Variants in POLN observed in about 807,000 individuals in gnomAD.
The protein encoded by POLN is DNA polymerase N.
Under a neutral mutation model 113.5 loss-of-function variants are expected in POLN, and 108 were observed. The ratio of observed to expected loss-of-function variants is 0.95; its 90% CI spans 0.81 to 1.12. The LOEUF (loss-of-function observed/expected upper bound fraction) is 1.12, where lower values mean the gene tolerates loss of function less well. Ranked by LOEUF, POLN falls within the 50% of genes most tolerant of loss-of-function variation. The probability of loss-of-function intolerance (pLI) is 0.00; values close to 1 mark genes in which losing one functional copy is unlikely to be tolerated. For synonymous variants in POLN, 386 were observed against 391.5 expected (o/e 0.99, Z 0.17); for missense variants, 1,097 against 1,077.1 (o/e 1.02, Z -0.26).
intron 16 of POLN, among the ~76,000 whole-genome samples, chr4:2,147,204 T>G (rs535668005): frequency 6.6e-6 from 1 of 152,134 alleles, no homozygotes; most frequent in East Asian, 1.9e-4. Context: ...GTATCATGAG[T>G]GGCACTGTAG....
At chr4:2,183,417 G>C (rs1241435372) in intron 7 of POLN, among the ~76,000 whole-genome samples, 1 of 152,098 alleles carries the variant, frequency 6.6e-6, no homozygotes, top group East Asian at 1.9e-4. Context: ...ATCAACTGAT[G>C]AATGAACAAA....
chr4:2,101,972 G>A (rs968762233), intron 19 of POLN, among the ~76,000 whole-genome samples: 1 of 152,166 alleles, frequency 6.6e-6, no homozygotes, highest in African/African-American at 2.4e-5. Flanking sequence ...GTGACAGCTG[G>A]GATGGGGGAG....
chr4:2,119,681 TCAAA>T (rs1474991465), intron 19 of POLN, among the ~76,000 whole-genome samples: 2 of 152,214 alleles, frequency 1.3e-5, no homozygotes, highest in Non-Finnish European at 2.9e-5. Context: ...TTTTTGTGTT[TCAAA>T]CAATAAGGCA....
chr4:2,240,768 G>A (rs375311093), intron 2 of POLN: 23 of 1,613,774 alleles, frequency 1.4e-5, no homozygotes, highest in Non-Finnish European at 1.8e-5. Context: ...AATGCTAAAA[G>A]CTTCCAATTC....
At chr4:2,159,301 A>C in intron 13 of POLN, 90 bp from the exon 14 acceptor site, 2 of 1,102,240 alleles carry the variant, frequency 1.8e-6, no homozygotes, top group Non-Finnish European at 1.4e-6. Context: ...CTCATAATAA[A>C]TGGTCTAATT....
chr4:2,192,824 T>C (rs931459950), intron 7 of POLN, among the ~76,000 whole-genome samples: 6 of 150,140 alleles, frequency 4.0e-5, no homozygotes, highest in Non-Finnish European at 5.9e-5. Context: ...AATATATATA[T>C]ATATTTAAAA....
At chr4:2,165,317 G>C (rs1732702962) in intron 13 of POLN, among the ~76,000 whole-genome samples, 1 of 152,184 alleles carries the variant, frequency 6.6e-6, no homozygotes. Flanking sequence ...AGTGAAATAA[G>C]TCAATCCGAA....
Position 2,113,563 on chromosome 4 carries a change from CA to C in POLN, c.1982+14549del, listed in dbSNP as rs950728271. Among the ~76,000 whole-genome samples the C allele has an allele frequency of 1.4e-3, 205 of 144,222 alleles. 1 individual carries two copies. The highest frequency in any genetic ancestry group is 4.4e-3 in the South Asian group (20 of 4,538). The allele number at this position is 144,222 out of a possible 152,430, so 94.6% of individuals were successfully genotyped here. A position where few individuals can be genotyped will look rare whatever the true frequency, so the allele number is the denominator to read the frequency against. On this transcript the variant is annotated intron_variant, in intron 19 of 25. Coordinates refer to ENST00000511885, the MANE Select transcript of POLN (RefSeq NM_181808.4). ...TTCTATCTATGCTATAAACCTTTTT[CA>C]AAAAAAAAAATGGCTGGGCATGGTG...
At chr4:2,222,130 G>C (rs962684009) in intron 3 of POLN, among the ~76,000 whole-genome samples, 1 of 152,122 alleles carries the variant, frequency 6.6e-6, no homozygotes, top group African/African-American at 2.4e-5. Context: ...TCGCCATGTT[G>C]CCCAAACTGG....
At chr4:2,165,708 G>C (rs1270858555) in intron 13 of POLN, among the ~76,000 whole-genome samples, 1 of 152,132 alleles carries the variant, frequency 6.6e-6, no homozygotes, top group Admixed American at 6.5e-5. Context: ...AGAACAGCGA[G>C]TACAGAACAG....
chr4:2,150,109 A>G lies in POLN; in HGVS notation c.1731+6679T>C, dbSNP rs1577723878. ...AAAACAAAAACAAAAACAAAAAACA[A>G]AAAACAAAACAAAACAAAAAGAAGT... On this transcript the variant is annotated intron_variant, in intron 16 of 25. Transcript: ENST00000511885. Among the ~76,000 whole-genome samples, 3 of 152,152 alleles carry G rather than the reference A, an allele frequency of 2.0e-5. No individual in the cohort carries two copies. In the East Asian group the frequency reaches 5.8e-4, roughly 29 times the overall value.
chr4:2,081,989 C>T (rs1346335959), intron 21 of POLN, among the ~76,000 whole-genome samples: 1 of 135,834 alleles, frequency 7.4e-6, no homozygotes, highest in African/African-American at 2.9e-5. Context: ...GAGTGAGACT[C>T]TGTCACCCAG....
intron 16 of POLN, among the ~76,000 whole-genome samples, chr4:2,136,075 C>T (rs1731850165): frequency 6.6e-6 from 1 of 152,150 alleles, no homozygotes; most frequent in Admixed American, 6.5e-5. Flanking sequence ...AAGCTGGTCC[C>T]CTCGTGTTGA....
At chr4:2,236,259 T>C (rs1441604302) in intron 2 of POLN, 1 of 1,613,142 alleles carries the variant, frequency 6.2e-7, no homozygotes, top group Admixed American at 1.7e-5. Flanking sequence ...ATTTCCTCCT[T>C]GATACAAAGT....
intron 7 of POLN, among the ~76,000 whole-genome samples, chr4:2,191,764 T>A (rs1733447088): frequency 6.6e-6 from 1 of 152,136 alleles, no homozygotes; most frequent in African/African-American, 2.4e-5. Flanking sequence ...TAGAGATGAA[T>A]CACATGATGT....
chr4:2,209,393 C>T (rs916415283), intron 4 of POLN, among the ~76,000 whole-genome samples: 2 of 149,578 alleles, frequency 1.3e-5, no homozygotes, highest in Admixed American at 6.7e-5. Context: ...GGCAGAGAAT[C>T]GCTTGAACCT....
Position 2,190,179 on chromosome 4 carries a change from A to G in POLN, c.1021+3025T>C, listed in dbSNP as rs539397780. ...CAAATTATACTACAAAGCTATAGTA[A>G]CCAAGACAGCATGGTACTGACATAA... On this transcript the variant is annotated intron_variant, in intron 7 of 25. Coordinates refer to ENST00000511885, the MANE Select transcript of POLN (RefSeq NM_181808.4). Among the ~76,000 whole-genome samples, 4 of 152,326 alleles carry G rather than the reference A, an allele frequency of 2.6e-5. No individual in the cohort carries two copies. The South Asian group carries it at 8.3e-4, about 32-fold the overall frequency.
At chr4:2,159,258 AT>A in intron 13 of POLN, 47 bp from the exon 14 acceptor site, 1 of 1,427,348 alleles carries the variant, frequency 7.0e-7, no homozygotes, top group African/African-American at 1.4e-5. Flanking sequence ...CCATTTTAAC[AT>A]TTTAAACACG....
intron 13 of POLN, among the ~76,000 whole-genome samples, chr4:2,166,593 A>T (rs1373667470): frequency 6.6e-6 from 1 of 152,176 alleles, no homozygotes; most frequent in Non-Finnish European, 1.5e-5. Flanking sequence ...GACCTGCGTC[A>T]ATGTGGGCAG....
Sources: allele counts gnomAD v4.1 joint callset (sites outside exome capture counted in the v4.1 genomes callset), GRCh38; gene constraint gnomAD v4.1.1; transcripts MANE v1.5; gene names NCBI Gene and HGNC (gene_info 2026-07-23, HGNC 2026-07-21).